The following ASIC2 variants were observed in gnomAD, a reference collection of about 807,000 sequenced individuals.
ASIC2 encodes acid sensing ion channel subunit 2, also known as acid-sensing ion channel 2.
ASIC2 carries 25 observed loss-of-function variants against 57.3 expected under a neutral mutation model. The ratio of observed to expected loss-of-function variants is 0.44; its 90% CI spans 0.32 to 0.61. The LOEUF is 0.61. Ranked by LOEUF, ASIC2 falls within the 20% of genes least tolerant of loss-of-function variation. The pLI, the probability that ASIC2 is intolerant of heterozygous loss-of-function variation, is 0.06. For synonymous variants in ASIC2, 319 were observed against 307.5 expected, an observed-to-expected ratio of 1.04 and a Z score of -0.39; for missense variants, 641 against 738.1, an observed-to-expected ratio of 0.87 and a Z score of 1.52.
chr17:34,072,625 A>G (rs1909461305), intron 1 of ASIC2, among the ~76,000 whole-genome samples: 1 of 152,232 alleles, frequency 6.6e-6, no homozygotes, highest in African/African-American at 2.4e-5. Flanking sequence ...AAAGTTGTGT[A>G]TATTTCCTTC....
At chr17:33,642,719 T>G (rs1245973491) in intron 1 of ASIC2, among the ~76,000 whole-genome samples, 1 of 152,204 alleles carries the variant, frequency 6.6e-6, no homozygotes, top group Non-Finnish European at 1.5e-5. Context: ...CTGGGAAATA[T>G]CAACTCCCTC....
At chr17:33,060,662 A>G (rs1249200866) in intron 3 of ASIC2, among the ~76,000 whole-genome samples, 3 of 152,152 alleles carry the variant, frequency 2.0e-5, no homozygotes, top group Admixed American at 2.0e-4. Context: ...TTGGTTCCAT[A>G]TGAACTTTAA....
chr17:33,180,540 C>T lies in ASIC2; in HGVS notation c.709-68473G>A, dbSNP rs544040835. Among the ~76,000 whole-genome samples, 11 of 152,242 alleles carry T rather than the reference C, an allele frequency of 7.2e-5. No homozygotes were observed. In the South Asian group the frequency reaches 2.3e-3, roughly 32 times the overall value. The stretch of plus-strand genomic sequence containing the variant: ...AGGGAATAGCTTCACTGAACTCCCT[C>T]CTTACTCTACATTCCACCACCACCA... On this transcript the variant is annotated intron_variant, in intron 1 of 9. Coordinates refer to ENST00000225823, the MANE Select transcript of ASIC2 (RefSeq NM_183377.2).
intron 1 of ASIC2, among the ~76,000 whole-genome samples, chr17:34,127,161 A>G (rs1911810032): frequency 6.6e-6 from 1 of 152,194 alleles, no homozygotes; most frequent in African/African-American, 2.4e-5. Context: ...GTTTTTCGTT[A>G]TGAGTAAGTT....
At chr17:33,579,909 CATTTTACA>C in intron 1 of ASIC2, among the ~76,000 whole-genome samples, 1 of 152,126 alleles carries the variant, frequency 6.6e-6, no homozygotes, top group Non-Finnish European at 1.5e-5. Flanking sequence ...CTGATTGGTC[CATTTTACA>C]GAGAGCTGAT....
intron 1 of ASIC2, among the ~76,000 whole-genome samples, chr17:34,089,585 A>T (rs921062625): frequency 2.6e-5 from 4 of 152,224 alleles, no homozygotes; most frequent in African/African-American, 9.6e-5. Context: ...TGAATTTAAA[A>T]GGGACAAATG....
intron 1 of ASIC2, among the ~76,000 whole-genome samples, chr17:33,150,880 A>G (rs1904763615): frequency 6.8e-6 from 1 of 146,684 alleles, no homozygotes; most frequent in African/African-American, 2.5e-5. Flanking sequence ...AAATACAAAA[A>G]TTAGCTGGGT....
intron 1 of ASIC2, among the ~76,000 whole-genome samples, chr17:33,222,990 G>C (rs1179456682): frequency 2.2e-4 from 33 of 151,886 alleles, no homozygotes; most frequent in Admixed American, 2.2e-3. Flanking sequence ...TAGGGAGTCA[G>C]GTTCACATCA....
intron 1 of ASIC2, among the ~76,000 whole-genome samples, chr17:33,525,972 G>C (rs780465681): frequency 6.6e-6 from 1 of 152,066 alleles, no homozygotes; most frequent in Non-Finnish European, 1.5e-5. Context: ...CTTGTCCTAG[G>C]TCAAAATTTC....
intron 1 of ASIC2, chr17:34,069,393 T>C (rs1445832211): frequency 6.6e-6 from 1 of 152,072 alleles, no homozygotes; most frequent in Non-Finnish European, 1.5e-5. Flanking sequence ...CTTTCTTTTT[T>C]TCCTTCTTTC....
chr17:33,184,575 C>T (rs1219564187), intron 1 of ASIC2, among the ~76,000 whole-genome samples: 2 of 152,176 alleles, frequency 1.3e-5, no homozygotes, highest in Admixed American at 6.5e-5. Flanking sequence ...ATCATCTGGT[C>T]AGAGCAGTGC....
At chr17:33,074,087 T>TGCTCCTTGTATCCCC (rs1172101839) in intron 3 of ASIC2, among the ~76,000 whole-genome samples, 1 of 152,184 alleles carries the variant, frequency 6.6e-6, no homozygotes, top group Non-Finnish European at 1.5e-5. Flanking sequence ...CGAGGCTCTC[T>TGCTCCTTGTATCCCC]GCTCCTTGTA....
intron 1 of ASIC2, chr17:33,936,208 A>G (rs937869201): frequency 1.5e-4 from 23 of 152,188 alleles, no homozygotes; most frequent in African/African-American, 5.6e-4. Context: ...TCAGTGAAAG[A>G]GCTTAAAGAG....
At chr17:33,392,297 G>C (rs189249265) in intron 1 of ASIC2, among the ~76,000 whole-genome samples, 1 of 141,630 alleles carries the variant, frequency 7.1e-6, no homozygotes, top group East Asian at 2.1e-4. Context: ...GTCTTGCTCT[G>C]TTACCCAGGC....
At chr17:33,467,110 A>G (rs1302388220) in intron 1 of ASIC2, among the ~76,000 whole-genome samples, 1 of 152,154 alleles carries the variant, frequency 6.6e-6, no homozygotes, top group Non-Finnish European at 1.5e-5. Flanking sequence ...CAAAGGGTAG[A>G]TTGTATTTTT....
chr17:33,819,384 C>A (rs1320990079), intron 1 of ASIC2, among the ~76,000 whole-genome samples: 3 of 152,198 alleles, frequency 2.0e-5, no homozygotes, highest in African/African-American at 4.8e-5. Context: ...ATACTTGGTG[C>A]AGCATGAAGT....
chr17:34,150,072 T>G (rs1904459920), intron 1 of ASIC2, among the ~76,000 whole-genome samples: 1 of 152,160 alleles, frequency 6.6e-6, no homozygotes, highest in Non-Finnish European at 1.5e-5. Context: ...AGGAAGAAAA[T>G]CCTGTCATTT....
intron 1 of ASIC2, among the ~76,000 whole-genome samples, chr17:33,727,671 T>G (rs1198295454): frequency 6.6e-6 from 1 of 152,228 alleles, no homozygotes; most frequent in Admixed American, 6.5e-5. Context: ...GCAAGTTTCC[T>G]GAGGCCTTCC....
At chr17:33,065,226 G>C (rs1052083160) in intron 3 of ASIC2, among the ~76,000 whole-genome samples, 3 of 152,118 alleles carry the variant, frequency 2.0e-5, no homozygotes, top group African/African-American at 7.2e-5. Context: ...ACCCAGGCTG[G>C]AGTGCAGTGG....
Sources: allele counts gnomAD v4.1 joint callset (sites outside exome capture counted in the v4.1 genomes callset), GRCh38; gene constraint gnomAD v4.1.1; transcripts MANE v1.5; gene names NCBI Gene and HGNC (gene_info 2026-07-23, HGNC 2026-07-21).